Variants in EVI5 observed in about 807,000 individuals in gnomAD.
EVI5 encodes the protein ecotropic viral integration site 5 protein homolog.
EVI5 carries 73 observed loss-of-function variants against 112.0 expected under a neutral mutation model. The ratio of observed to expected loss-of-function variants is 0.65; its 90% CI spans 0.54 to 0.79. The LOEUF (loss-of-function observed/expected upper bound fraction) is 0.79. Ranked by LOEUF, EVI5 falls within the 30% of genes least tolerant of loss-of-function variation. The pLI, the probability that EVI5 is intolerant of heterozygous loss-of-function variation, is 0.00. For missense variants in EVI5, 900 were observed against 968.8 expected (o/e 0.93, Z 0.94); for synonymous variants, 305 against 319.9 (o/e 0.95, Z 0.50).
chr1:92,747,716 C>CAAAAAAAAAAAAAAAAA lies in EVI5; in HGVS notation c.-81-11090_-81-11089insTTTTTTTTTTTTTTTTT, dbSNP rs3042578. ...GTGACAGAGCCAGACTCCATCTCAC[C>CAAAAAAAAAAAAAAAAA]AAAAAAAAAAACAAAAAAAAAAACC... On this transcript the variant is annotated intron_variant, in intron 1 of 19. Transcript: ENST00000684568. Among the ~76,000 whole-genome samples the CAAAAAAAAAAAAAAAAA allele has an allele frequency of 2.4e-5, 2 of 83,546 alleles. 1 individual carries two copies. 54.8% of individuals were successfully genotyped at this position (83,546 alleles called of 152,430 possible).
At chr1:92,520,962 TTC>T in intron 19 of EVI5, among the ~76,000 whole-genome samples, 1 of 148,022 alleles carries the variant, frequency 6.8e-6, no homozygotes, top group African/African-American at 2.5e-5. Flanking sequence ...TTGCTGCTTC[TTC>T]TTTTTTTTTT....
intron 5 of EVI5, among the ~76,000 whole-genome samples, chr1:92,699,502 G>A (rs750151712): frequency 3.3e-5 from 5 of 152,128 alleles, no homozygotes; most frequent in Admixed American, 2.6e-4. Flanking sequence ...TCCTAAGGTA[G>A]TTGTTTTCTC....
At chr1:92,763,264 T>C (rs2103000894) in intron 1 of EVI5, among the ~76,000 whole-genome samples, 1 of 152,264 alleles carries the variant, frequency 6.6e-6, no homozygotes, top group South Asian at 2.1e-4. Flanking sequence ...TGAGACTTTG[T>C]CTCAAATAAA....
At position 92,679,331 on chromosome 1, in the gene EVI5, T is replaced by C. The variant is rs577742496; in HGVS notation, c.1098-2113A>G. ...ACCACTGTCTTAAAAGACTATAAGA[T>C]AGCCGACAGAATTTATTAAAGACTC... is the stretch of plus-strand genomic sequence containing the variant. On this transcript the variant is annotated intron_variant, in intron 9 of 19. Coordinates refer to ENST00000684568, the MANE Select transcript of EVI5 (RefSeq NM_001350197.2). Among the ~76,000 whole-genome samples, 87 of 152,254 alleles carry C rather than the reference T, an allele frequency of 5.7e-4. 1 individual carries two copies. Among genetic ancestry groups the C allele is most frequent in the Admixed American group, 5.4e-3 (83 of 15,288 alleles).
chr1:92,582,638 T>C (rs556624109), intron 18 of EVI5, among the ~76,000 whole-genome samples: 18 of 152,118 alleles, frequency 1.2e-4, no homozygotes, highest in African/African-American at 4.3e-4. Flanking sequence ...GTCAGAGAAA[T>C]GGGCAGGAGC....
chr1:92,778,192 C>A (rs1200612406), intron 1 of EVI5, among the ~76,000 whole-genome samples: 2 of 152,114 alleles, frequency 1.3e-5, no homozygotes, highest in Admixed American at 6.6e-5. Flanking sequence ...CAGGGGTGAG[C>A]CACTGCACCC....
At chr1:92,553,740 T>C (rs1349409665) in intron 19 of EVI5, among the ~76,000 whole-genome samples, 1 of 152,200 alleles carries the variant, frequency 6.6e-6, no homozygotes, top group East Asian at 1.9e-4. Flanking sequence ...TGCCCCTGTA[T>C]GTGATTATTA....
At chr1:92,715,359 A>G (rs1012959626) in intron 2 of EVI5, among the ~76,000 whole-genome samples, 1 of 152,166 alleles carries the variant, frequency 6.6e-6, no homozygotes, top group Non-Finnish European at 1.5e-5. Context: ...ATTTGAACCC[A>G]AAAGTTCAAA....
intron 19 of EVI5, among the ~76,000 whole-genome samples, chr1:92,552,434 A>G (rs1667085820): frequency 6.6e-6 from 1 of 152,186 alleles, no homozygotes; most frequent in South Asian, 2.1e-4. Context: ...CCAACCACAT[A>G]GTCTTTATCA....
At chr1:92,655,833 T>G (rs1352558437) in intron 13 of EVI5, among the ~76,000 whole-genome samples, 1 of 152,058 alleles carries the variant, frequency 6.6e-6, no homozygotes, top group Non-Finnish European at 1.5e-5. Flanking sequence ...ATAAGACAAC[T>G]ACTACTGGGG....
intron 18 of EVI5, among the ~76,000 whole-genome samples, chr1:92,570,460 A>G (rs757628835): frequency 3.9e-5 from 6 of 152,204 alleles, no homozygotes; most frequent in Non-Finnish European, 7.3e-5. Flanking sequence ...ATGGAATCCA[A>G]CTTGGAGAAA....
At chr1:92,611,858 A>G (rs1406174665) in intron 16 of EVI5, among the ~76,000 whole-genome samples, 1 of 151,898 alleles carries the variant, frequency 6.6e-6, no homozygotes, top group African/African-American at 2.4e-5. Context: ...GTAGTGAGAT[A>G]CGATGGAGCC....
chr1:92,729,454 T>C (rs1237576727), intron 2 of EVI5, among the ~76,000 whole-genome samples: 2 of 152,154 alleles, frequency 1.3e-5, no homozygotes, highest in African/African-American at 4.8e-5. Flanking sequence ...GGTGACAACA[T>C]ATTACCGATA....
intron 2 of EVI5, among the ~76,000 whole-genome samples, chr1:92,734,702 T>C (rs1558168878): frequency 1.3e-5 from 2 of 150,090 alleles, no homozygotes; most frequent in Admixed American, 6.7e-5. Flanking sequence ...TTCTGCTTTT[T>C]GAAAGACACT....
Position 92,694,463 on chromosome 1 carries a change from C to T in EVI5, c.910-75G>A. On this transcript the variant is annotated intron_variant, in intron 7 of 19. Transcript: ENST00000684568. ...CAAAAACGAGTCATTTGAAATAATA[C>T]TAAGGTAAACATTTAGGGATCTAAA... 5 of 820,120 alleles carry T rather than the reference C, an allele frequency of 6.1e-6. No homozygotes were observed. The South Asian group carries it at 6.4e-5, about 10-fold the overall frequency. The allele number at this position is 820,120 out of a possible 1,614,324, so 50.8% of individuals were successfully genotyped here. A position where few individuals can be genotyped will look rare whatever the true frequency, so the allele number is the denominator to read the frequency against.
chr1:92,517,241 C>G (rs1440289488), intron 19 of EVI5, among the ~76,000 whole-genome samples: 1 of 152,154 alleles, frequency 6.6e-6, no homozygotes, highest in East Asian at 1.9e-4. Context: ...CTAAACAATA[C>G]AGTATAACAA....
intron 18 of EVI5, among the ~76,000 whole-genome samples, chr1:92,605,073 A>G (rs1393444882): frequency 6.6e-6 from 1 of 152,128 alleles, no homozygotes; most frequent in Non-Finnish European, 1.5e-5. Context: ...AAAGTTCTGG[A>G]TATGGATGGT....
At chr1:92,749,558 G>C (rs1222898051) in intron 1 of EVI5, among the ~76,000 whole-genome samples, 1 of 151,770 alleles carries the variant, frequency 6.6e-6, no homozygotes, top group Non-Finnish European at 1.5e-5. Flanking sequence ...CTCAATAAAT[G>C]TCTCTGTGGA....
intron 19 of EVI5, among the ~76,000 whole-genome samples, chr1:92,519,032 A>G (rs886395444): frequency 5.9e-5 from 9 of 152,212 alleles, no homozygotes; most frequent in African/African-American, 2.2e-4. Context: ...TAAGACCTAC[A>G]AGGCCTTTTT....
Sources: gnomAD v4.1 joint callset for allele counts (sites outside exome capture counted in the v4.1 genomes callset) on GRCh38, gnomAD v4.1.1 for gene constraint, MANE v1.5 for transcripts, NCBI Gene and HGNC (gene_info 2026-07-23, HGNC 2026-07-21) for gene names.